TMEM132C: variants seen among roughly 807,000 people sequenced by gnomAD.
The protein encoded by TMEM132C is transmembrane protein 132C.
In TMEM132C, 29 loss-of-function variants were observed where a neutral mutation model predicts 61.4. The observed-to-expected ratio is 0.47, with a 90% CI of 0.35 to 0.64. The LOEUF is 0.64. TMEM132C is among the 30% of genes least tolerant of loss of function. The probability of loss-of-function intolerance (pLI) is 0.00; values close to 1 mark genes in which losing one functional copy is unlikely to be tolerated. For missense variants in TMEM132C, 1,408 were observed against 1,476.9 expected (o/e 0.95, Z 0.76); for synonymous variants, 656 against 633.1 (o/e 1.04, Z -0.54).
At chr12:128,412,880 C>T (rs1295013451) in intron 1 of TMEM132C, among the ~76,000 whole-genome samples, 1 of 152,196 alleles carries the variant, frequency 6.6e-6, no homozygotes, top group Non-Finnish European at 1.5e-5. Flanking sequence ...CATATTGCTT[C>T]ATACAGATCT....
rs916772397 is a variant in TMEM132C at position 128,634,629 on chromosome 12, G to A, written c.1305+18294G>A. 3.3e-5 allele frequency among the ~76,000 whole-genome samples: 5 copies of A among 152,196 alleles called. 1 individual carries two copies. The highest frequency in any genetic ancestry group is 2.0e-4 in the Admixed American group (3 of 15,286). Reference sequence around the variant, plus strand: ...TGAGTGACACCTCCTGAGATGTGGAGCCCTTGTGCTGTGCACAGCCTGTCC... The same window carrying A: ...TGAGTGACACCTCCTGAGATGTGGAACCCTTGTGCTGTGCACAGCCTGTCC... On this transcript the variant is annotated intron_variant, in intron 4 of 8. Transcript: ENST00000435159.
At chr12:128,268,431 A>G (rs1158629214) in intron 1 of TMEM132C, among the ~76,000 whole-genome samples, 1 of 152,144 alleles carries the variant, frequency 6.6e-6, no homozygotes, top group East Asian at 1.9e-4. Flanking sequence ...AGCAAGGCCT[A>G]GGCTCTGCCA....
intron 1 of TMEM132C, among the ~76,000 whole-genome samples, chr12:128,269,347 C>CGTGT (rs58843737): frequency 0.026 from 3,705 of 143,044 alleles, 83 homozygotes; most frequent in East Asian, 0.093. Flanking sequence ...GCTCACATTC[C>CGTGT]GTGTGTGTGT....
At position 128,694,072 on chromosome 12, in the gene TMEM132C, A is replaced by T. The variant is rs537388410; in HGVS notation, c.1655+38A>T. The T allele has an allele frequency of 3.0e-5, 46 of 1,543,780 alleles. No homozygotes were observed. In the African/African-American group the frequency reaches 5.6e-4, roughly 19 times the overall value. On this transcript the variant is annotated intron_variant, in intron 6 of 8. Coordinates refer to ENST00000435159, the MANE Select transcript of TMEM132C (RefSeq NM_001136103.3). ...TGGGGAGATGCCCTAGAGCCAAAACAACAACTTTATTTACTGACCTTAACA... is the reference window on the plus strand; with the variant it reads ...TGGGGAGATGCCCTAGAGCCAAAACTACAACTTTATTTACTGACCTTAACA...
intron 3 of TMEM132C, among the ~76,000 whole-genome samples, chr12:128,589,971 A>G (rs976445257): frequency 6.6e-6 from 1 of 152,230 alleles, no homozygotes; most frequent in Non-Finnish European, 1.5e-5. Flanking sequence ...AGTTTCATGA[A>G]TCATTACTGT....
chr12:128,445,642 G>C (rs895147398), intron 2 of TMEM132C, among the ~76,000 whole-genome samples: 1 of 152,172 alleles, frequency 6.6e-6, no homozygotes, highest in East Asian at 1.9e-4. Context: ...GGCGGCTGCC[G>C]CTGGAGACAC....
intron 5 of TMEM132C, 75 bp downstream of exon 5, chr12:128,669,635 A>G: frequency 6.6e-7 from 1 of 1,505,930 alleles, no homozygotes; most frequent in Admixed American, 2.1e-5. Flanking sequence ...AGGGACATTT[A>G]GACTGAAATA....
intron 2 of TMEM132C, among the ~76,000 whole-genome samples, chr12:128,493,365 A>AG (rs1417737411): frequency 6.6e-6 from 1 of 152,178 alleles, no homozygotes; most frequent in East Asian, 1.9e-4. Flanking sequence ...ACTTTAAAGT[A>AG]CTTTTTTCCA....
intron 2 of TMEM132C, among the ~76,000 whole-genome samples, chr12:128,463,685 C>T (rs115405187): frequency 0.012 from 1,879 of 152,058 alleles, 43 homozygotes; most frequent in African/African-American, 0.043. Flanking sequence ...CTGTGTTCCC[C>T]GTTCCTCTCC....
chr12:128,345,099 T>A (rs1341227826), intron 1 of TMEM132C, among the ~76,000 whole-genome samples: 1 of 151,972 alleles, frequency 6.6e-6, no homozygotes, highest in Non-Finnish European at 1.5e-5. Context: ...GTGTGTGTTG[T>A]TTTCCCCCCA....
chr12:128,289,873 C>T (rs1286300746), intron 1 of TMEM132C, among the ~76,000 whole-genome samples: 1 of 152,290 alleles, frequency 6.6e-6, no homozygotes, highest in East Asian at 1.9e-4. Context: ...TAACTGATAG[C>T]ATGTTTAAAG....
At chr12:128,383,936 C>T (rs183937328) in intron 1 of TMEM132C, among the ~76,000 whole-genome samples, 113 of 152,296 alleles carry the variant, frequency 7.4e-4, no homozygotes, top group African/African-American at 2.5e-3. Context: ...AAGAGAACTG[C>T]ATCTGTTTAG....
intron 5 of TMEM132C, among the ~76,000 whole-genome samples, chr12:128,689,314 T>C (rs1357452133): frequency 6.6e-6 from 1 of 152,192 alleles, no homozygotes; most frequent in African/African-American, 2.4e-5. Flanking sequence ...AAATTTTCTC[T>C]CAGCAATTTT....
intron 2 of TMEM132C, among the ~76,000 whole-genome samples, chr12:128,517,343 A>G (rs1872755260): frequency 6.6e-6 from 1 of 151,826 alleles, no homozygotes; most frequent in Non-Finnish European, 1.5e-5. Context: ...GCTGAGGTGG[A>G]GGAATCACTT....
chr12:128,429,450 C>T (rs1295873735), intron 2 of TMEM132C, among the ~76,000 whole-genome samples: 2 of 152,190 alleles, frequency 1.3e-5, no homozygotes, highest in African/African-American at 2.4e-5. Flanking sequence ...CACCGTGCTT[C>T]TCTGTGGATC....
At chr12:128,563,982 T>C (rs1874613043) in intron 3 of TMEM132C, among the ~76,000 whole-genome samples, 1 of 152,174 alleles carries the variant, frequency 6.6e-6, no homozygotes, top group Admixed American at 6.5e-5. Context: ...ACACTAGGCA[T>C]AAATGGCTAA....
chr12:128,468,629 T>TAAAC (rs973586615), intron 2 of TMEM132C, among the ~76,000 whole-genome samples: 15 of 151,990 alleles, frequency 9.9e-5, no homozygotes, highest in East Asian at 1.9e-4. Context: ...AAATTTACTC[T>TAAAC]AAACAAACAA....
At chr12:128,364,320 T>G in intron 1 of TMEM132C, among the ~76,000 whole-genome samples, 1 of 42,732 alleles carries the variant, frequency 2.3e-5, no homozygotes. Context: ...CCTCCTCCCC[T>G]CCCCGCCCCC....
chr12:128,695,735 T>C (rs1211694153), intron 6 of TMEM132C, 95 bp from the exon 7 acceptor site: 1 of 1,362,756 alleles, frequency 7.3e-7, no homozygotes, highest in East Asian at 2.5e-5. Context: ...GTCTTCAATG[T>C]GGTCTCCTTG....
Sources: allele counts gnomAD v4.1 joint callset (sites outside exome capture counted in the v4.1 genomes callset), GRCh38; gene constraint gnomAD v4.1.1; transcripts MANE v1.5; gene names NCBI Gene and HGNC (gene_info 2026-07-23, HGNC 2026-07-21).